Variants in GRAMD2B observed in about 807,000 individuals in gnomAD.
GRAMD2B encodes GRAM domain-containing protein 2B.
In GRAMD2B, 41 loss-of-function variants were observed where a neutral mutation model predicts 59.2. That is an observed-to-expected ratio of 0.69 (90% CI 0.54 to 0.90). GRAMD2B has a LOEUF of 0.90. Ranked by LOEUF, GRAMD2B falls within the 40% of genes least tolerant of loss-of-function variation. The pLI, the probability that GRAMD2B is intolerant of heterozygous loss-of-function variation, is 0.00. For synonymous variants in GRAMD2B, 161 were observed against 182.7 expected (o/e 0.88, Z 0.96); for missense variants, 424 against 500.5 (o/e 0.85, Z 1.46).
At chr5:126,472,365 G>T (rs956706302) in intron 4 of GRAMD2B, 61 bp downstream of exon 4, 1 of 1,409,172 alleles carries the variant, frequency 7.1e-7, no homozygotes, top group Non-Finnish European at 1.0e-6. Context: ...CATTAGTTTT[G>T]GGGAAGAAAA....
upstream of GRAMD2B, chr5:126,360,125 T>C (rs759346177): frequency 9.2e-6 from 5 of 544,672 alleles, no homozygotes; most frequent in African/African-American, 1.9e-5. Context: ...TCTGTGGTCA[T>C]TTGCTTTCTC....
intron 5 of GRAMD2B, among the ~76,000 whole-genome samples, chr5:126,477,476 T>A (rs985148618): frequency 6.6e-6 from 1 of 152,210 alleles, no homozygotes; most frequent in Non-Finnish European, 1.5e-5. Context: ...AATTGATGAT[T>A]AAGATTTATC....
chr5:126,372,847 T>A (rs1049876655), intron 1 of GRAMD2B, among the ~76,000 whole-genome samples: 8 of 152,174 alleles, frequency 5.3e-5, no homozygotes, highest in Non-Finnish European at 1.2e-4. Context: ...ATCTCTTAAG[T>A]AGACTGTCAT....
At chr5:126,374,307 A>G (rs1185360235) in intron 1 of GRAMD2B, among the ~76,000 whole-genome samples, 2 of 152,172 alleles carry the variant, frequency 1.3e-5, no homozygotes, top group African/African-American at 4.8e-5. Flanking sequence ...ATATATGTTA[A>G]ACTAAGAGGA....
intron 1 of GRAMD2B, among the ~76,000 whole-genome samples, chr5:126,402,802 T>A (rs1333556367): frequency 6.6e-6 from 1 of 152,026 alleles, no homozygotes; most frequent in Admixed American, 6.6e-5. Context: ...TGTGTCATAT[T>A]ACCTTTCTAA....
intron 1 of GRAMD2B, among the ~76,000 whole-genome samples, chr5:126,377,299 A>G (rs1755273402): frequency 6.6e-6 from 1 of 151,638 alleles, no homozygotes; most frequent in African/African-American, 2.4e-5. Flanking sequence ...TGTTGGCACT[A>G]TATCCTATAT....
At chr5:126,388,066 T>C (rs1756341167) in intron 1 of GRAMD2B, among the ~76,000 whole-genome samples, 1 of 152,156 alleles carries the variant, frequency 6.6e-6, no homozygotes, top group Non-Finnish European at 1.5e-5. Flanking sequence ...TTGCTACTGC[T>C]GTTAACTTAA....
intron 1 of GRAMD2B, among the ~76,000 whole-genome samples, chr5:126,437,152 T>C (rs1447535953): frequency 1.3e-5 from 2 of 152,258 alleles, no homozygotes; most frequent in East Asian, 3.9e-4. Flanking sequence ...TTTCGAGATA[T>C]TGCTAGTGAC....
At chr5:126,424,889 A>G (rs2149785137) in intron 1 of GRAMD2B, among the ~76,000 whole-genome samples, 1 of 152,370 alleles carries the variant, frequency 6.6e-6, no homozygotes, top group South Asian at 2.1e-4. Flanking sequence ...AGAGTCACAA[A>G]GTTAATAAAA....
At chr5:126,383,489 A>G (rs1755834941) in intron 1 of GRAMD2B, among the ~76,000 whole-genome samples, 1 of 152,218 alleles carries the variant, frequency 6.6e-6, no homozygotes, top group African/African-American at 2.4e-5. Flanking sequence ...CTATTTGCAC[A>G]GTGCCTTACT....
chr5:126,476,703 C>T (rs932451521), intron 5 of GRAMD2B, among the ~76,000 whole-genome samples: 1 of 152,150 alleles, frequency 6.6e-6, no homozygotes, highest in Non-Finnish European at 1.5e-5. Context: ...AAATTAAATT[C>T]TATCTGGTAA....
At chr5:126,463,847 C>G (rs1284566060) in intron 1 of GRAMD2B, among the ~76,000 whole-genome samples, 3 of 152,042 alleles carry the variant, frequency 2.0e-5, no homozygotes, top group Admixed American at 6.6e-5. Context: ...GGCAAAACCC[C>G]GTCTCTACTA....
intron 1 of GRAMD2B, among the ~76,000 whole-genome samples, chr5:126,464,314 G>T (rs1027427017): frequency 3.9e-5 from 6 of 152,118 alleles, no homozygotes; most frequent in African/African-American, 1.4e-4. Flanking sequence ...CTTTCTTTAG[G>T]CTCAGTCTCC....
chr5:126,447,076 G>A (rs1010741443), intron 1 of GRAMD2B, among the ~76,000 whole-genome samples: 6 of 152,164 alleles, frequency 3.9e-5, no homozygotes, highest in African/African-American at 1.4e-4. Flanking sequence ...AAATGGTAAA[G>A]CTCCCTCGAT....
At chr5:126,447,173 T>C (rs1223064018) in intron 1 of GRAMD2B, among the ~76,000 whole-genome samples, 1 of 152,196 alleles carries the variant, frequency 6.6e-6, no homozygotes, top group East Asian at 1.9e-4. Context: ...GGCGGTTGCC[T>C]CACCAAAAGC....
intron 1 of GRAMD2B, among the ~76,000 whole-genome samples, chr5:126,360,829 C>T (rs570246273): frequency 3.5e-4 from 53 of 152,198 alleles, no homozygotes; most frequent in African/African-American, 1.3e-3. Context: ...TCTATGTGTT[C>T]GGGAGAACTC....
At chr5:126,373,502 G>T (rs1462950924) in intron 1 of GRAMD2B, among the ~76,000 whole-genome samples, 3 of 152,120 alleles carry the variant, frequency 2.0e-5, no homozygotes, top group Non-Finnish European at 4.4e-5. Flanking sequence ...TTCAACAAAA[G>T]TTTATTGAGT....
chr5:126,389,666 C>T (rs777279654), intron 1 of GRAMD2B, among the ~76,000 whole-genome samples: 1 of 152,018 alleles, frequency 6.6e-6, no homozygotes, highest in South Asian at 2.1e-4. Context: ...TGTTAAATTG[C>T]GCTGGGCACC....
At chr5:126,394,486 C>A (rs753438322) in intron 1 of GRAMD2B, among the ~76,000 whole-genome samples, 1 of 152,154 alleles carries the variant, frequency 6.6e-6, no homozygotes, top group Non-Finnish European at 1.5e-5. Context: ...AACTCTGAGG[C>A]CTGGCTGCTT....
Sources: allele counts gnomAD v4.1 joint callset (sites outside exome capture counted in the v4.1 genomes callset), GRCh38; gene constraint gnomAD v4.1.1; transcripts MANE v1.5; gene names NCBI Gene and HGNC (gene_info 2026-07-23, HGNC 2026-07-21).